ATP13A4: variants seen among roughly 807,000 people sequenced by gnomAD.
The protein encoded by ATP13A4 is ATPase 13A4.
ATP13A4 carries 114 observed loss-of-function variants against 142.5 expected under a neutral mutation model. The observed-to-expected ratio is 0.80, with a 90% CI of 0.69 to 0.93. The LOEUF is 0.93. Ranked by LOEUF, ATP13A4 falls within the 40% of genes least tolerant of loss-of-function variation. The pLI is 0.00. For missense variants in ATP13A4, 1,392 were observed against 1,454.0 expected (o/e 0.96, Z 0.69); for synonymous variants, 488 against 514.8 (o/e 0.95, Z 0.70).
At chr3:193,481,663 C>T (rs1393134638) in intron 8 of ATP13A4, among the ~76,000 whole-genome samples, 6 of 152,072 alleles carry the variant, frequency 3.9e-5, no homozygotes, top group African/African-American at 1.4e-4. Context: ...CAAAGAAAAT[C>T]GACATTTGTT....
chr3:193,562,386 T>C (rs1053486674), intron 2 of ATP13A4, among the ~76,000 whole-genome samples: 2 of 152,238 alleles, frequency 1.3e-5, no homozygotes, highest in African/African-American at 4.8e-5. Flanking sequence ...TATGATTAAA[T>C]GCACTATATT....
In ATP13A4 at chr3:193,586,881, G is replaced by A. The variant is rs1056698519; in HGVS notation, n.92-4975C>T. Reference sequence around the variant, plus strand: ...AATTTCTATAATTAGTGTCTGCTGGGATTGTGTTGTAAATGGATTGAGTAT... The same window carrying A: ...AATTTCTATAATTAGTGTCTGCTGGAATTGTGTTGTAAATGGATTGAGTAT... On this transcript the variant is annotated intron_variant and non_coding_transcript_variant, in intron 1 of 3. Coordinates refer to the ATP13A4 transcript ENST00000489140. Among the ~76,000 whole-genome samples, 5 of 152,190 alleles carry A rather than the reference G, an allele frequency of 3.3e-5. No individual in the cohort carries two copies. The South Asian group carries it at 6.2e-4, about 19-fold the overall frequency.
chr3:193,442,460 C>A lies in ATP13A4; in HGVS notation c.2249G>T (p.Gly750Val), dbSNP rs754849706. 1.1e-5 allele frequency: 17 copies of A among 1,613,836 alleles called. No individual in the cohort carries two copies. The Admixed American group carries it at 2.7e-4, about 25-fold the overall frequency. Reference sequence around the variant, plus strand: ...CCAAGATATAGATGCTGATGAGGACCCGGTGGTTTCATTTGCCTCAATGAG... The same window carrying A: ...CCAAGATATAGATGCTGATGAGGACACGGTGGTTTCATTTGCCTCAATGAG... ...VILIEANETTGSSSASISWTL... is the reference protein window; with the variant it reads ...VILIEANETTVSSSASISWTL... Residue 750 changes from glycine (G) to valine (V), a missense_variant, in exon 19 of 30, where the codon GGG becomes GTG. Transcript: ENST00000342695.
chr3:193,403,995 C>T (rs1401035836), intron 29 of ATP13A4: 1 of 985,294 alleles, frequency 1.0e-6, no homozygotes, highest in African/African-American at 1.7e-5. Flanking sequence ...AGAGAACAGC[C>T]AGTCTGCATT....
At position 193,444,758 on chromosome 3, in the gene ATP13A4, A is replaced by G. The variant is rs192158828; in HGVS notation, c.2153-2202T>C. Among the ~76,000 whole-genome samples, 137 of 152,346 alleles carry G rather than the reference A, an allele frequency of 9.0e-4. 1 individual carries two copies. The highest frequency in any genetic ancestry group is 3.1e-3 in the African/African-American group (127 of 41,588). On this transcript the variant is annotated intron_variant, in intron 18 of 29. Coordinates refer to ENST00000342695, the MANE Select transcript of ATP13A4 (RefSeq NM_032279.4). ...AGAGCAACCATTAAAAATTAATCATATAACATCTGGCTGGCTATCCTTAAC... is the reference window on the plus strand; with the variant it reads ...AGAGCAACCATTAAAAATTAATCATGTAACATCTGGCTGGCTATCCTTAAC...
intron 28 of ATP13A4, among the ~76,000 whole-genome samples, chr3:193,410,755 A>G (rs897861256): frequency 1.4e-4 from 22 of 152,230 alleles, no homozygotes; most frequent in African/African-American, 5.1e-4. Flanking sequence ...AAAGTATTCA[A>G]TACTTAAAGG....
rs1172085113 is a variant in ATP13A4, at chr3:193,401,337, T to C, written c.*1315A>G. Among the ~76,000 whole-genome samples, 4 of 152,012 alleles carry C rather than the reference T, an allele frequency of 2.6e-5. No individual in the cohort carries two copies. The East Asian group carries it at 7.7e-4, about 29-fold the overall frequency. On this transcript the variant is annotated 3_prime_UTR_variant, in exon 30 of 30. Coordinates refer to ENST00000342695, the MANE Select transcript of ATP13A4 (RefSeq NM_032279.4). ...GAACAAATCAAATATAACCAAATTG[T>C]AATAGTGACAAAATAAGGACAATTT...
intron 2 of ATP13A4, among the ~76,000 whole-genome samples, chr3:193,571,269 A>G (rs1051888382): frequency 5.3e-5 from 8 of 150,422 alleles, no homozygotes; most frequent in Non-Finnish European, 7.4e-5. Flanking sequence ...ACAAAGCAAG[A>G]CCTTGTCTCA....
rs151197821 is a variant in ATP13A4, at chr3:193,493,107, T to C, written c.435A>G (p.Gly145=). The C allele has an allele frequency of 1.3e-3, 2,054 of 1,613,372 alleles. 5 individuals are homozygous for C. The highest frequency in any genetic ancestry group is 1.9e-3 in the South Asian group (173 of 91,068). ...CAACTTACCCAATTTTCTGGAACTG[T>C]CCTTCTAAGTAGTTCCAAACATATC... ...KIRYVWNYLE[G]QFQKIGSLED... The change falls in exon 4 of 30, where the codon GGA becomes GGG. Residue 145 remains glycine, a synonymous_variant. Transcript: ENST00000342695.
intron 3 of ATP13A4, 44 bp downstream of exon 3, chr3:193,502,449 G>T (rs1720603339): frequency 3.8e-6 from 6 of 1,597,852 alleles, no homozygotes; most frequent in Non-Finnish European, 5.1e-6. Flanking sequence ...AGGGGAAAAA[G>T]ATTAAATCTC....
At chr3:193,464,771 C>G (rs746182055) in intron 12 of ATP13A4, among the ~76,000 whole-genome samples, 169 bp downstream of exon 12, 25 of 152,174 alleles carry the variant, frequency 1.6e-4, no homozygotes, top group Non-Finnish European at 2.4e-4. Flanking sequence ...ACCTTGGACT[C>G]TGCGAGCTCA....
intron 18 of ATP13A4, among the ~76,000 whole-genome samples, chr3:193,446,458 C>A (rs1716960048): frequency 6.6e-6 from 1 of 152,126 alleles, no homozygotes; most frequent in Non-Finnish European, 1.5e-5. Flanking sequence ...ACAAGAAATT[C>A]TAATCAATTC....
intron 2 of ATP13A4, among the ~76,000 whole-genome samples, chr3:193,508,172 G>T (rs1229185984): frequency 6.6e-6 from 1 of 152,150 alleles, no homozygotes; most frequent in Admixed American, 6.5e-5. Context: ...CAACTCTCCT[G>T]GCCCTAGATC....
At chr3:193,471,042 A>G (rs1560211690) in intron 8 of ATP13A4, 49 bp from the exon 9 acceptor site, 1 of 1,611,322 alleles carries the variant, frequency 6.2e-7, no homozygotes, top group Non-Finnish European at 8.5e-7. Context: ...TCCCACAAAA[A>G]TACAATCCAA....
rs531438046 is a variant in ATP13A4, at chr3:193,481,514, A to T, written c.808+2422T>A. Reference sequence around the variant, plus strand: ...ATGGCTAAACACTGGTAACCCAGCCAGGTGTAGAGCATTTTTGTGTTTTTC... The same window carrying T: ...ATGGCTAAACACTGGTAACCCAGCCTGGTGTAGAGCATTTTTGTGTTTTTC... On this transcript the variant is annotated intron_variant, in intron 8 of 29. Coordinates refer to ENST00000342695, the MANE Select transcript of ATP13A4 (RefSeq NM_032279.4). Among the ~76,000 whole-genome samples, 18 of 152,320 alleles carry T rather than the reference A, an allele frequency of 1.2e-4. No individual in the cohort carries two copies. The South Asian group carries it at 3.7e-3, about 32-fold the overall frequency.
At chr3:193,403,839 C>T (rs1714364629) in intron 29 of ATP13A4, 1 of 985,122 alleles carries the variant, frequency 1.0e-6, no homozygotes, top group Non-Finnish European at 1.2e-6. Flanking sequence ...AACTGTCCCA[C>T]AGAATTAGAA....
intron 8 of ATP13A4, among the ~76,000 whole-genome samples, chr3:193,472,285 C>T (rs1053876481): frequency 1.3e-5 from 2 of 152,164 alleles, no homozygotes; most frequent in Admixed American, 6.5e-5. Flanking sequence ...TAGGGCTATG[C>T]GCTCCATCCC....
intron 8 of ATP13A4, 145 bp downstream of exon 8, chr3:193,483,791 A>C (rs1273903780): frequency 3.9e-6 from 3 of 762,120 alleles, no homozygotes; most frequent in Non-Finnish European, 6.5e-6. Context: ...TAAAAAAAAA[A>C]ACTTAAGTTC....
In ATP13A4 at chr3:193,435,720, G is replaced by T; in HGVS notation, c.2697C>A (p.Thr899=). The change falls in exon 24 of 30, where the codon ACC becomes ACA. Residue 899 remains threonine, a synonymous_variant. Coordinates refer to ENST00000342695, the MANE Select transcript of ATP13A4 (RefSeq NM_032279.4). ...LIKEGRAALV[T]SFCMFKYMAL... is the part of the protein sequence containing the mutation. The stretch of plus-strand genomic sequence containing the variant: ...CCATGTACTTAAACATGCAAAAGGA[G>T]GTAACGAGAGCTGCACGTCCTTCCC... 1 of 1,613,898 alleles carries T rather than the reference G, an allele frequency of 6.2e-7. No homozygotes were observed. Among genetic ancestry groups the T allele is most frequent in the Non-Finnish European group, 8.5e-7 (1 of 1,179,854 alleles).
Sources: gnomAD v4.1 joint callset for allele counts (sites outside exome capture counted in the v4.1 genomes callset) on GRCh38, gnomAD v4.1.1 for gene constraint, MANE v1.5 for transcripts, NCBI Gene and HGNC (gene_info 2026-07-23, HGNC 2026-07-21) for gene names.